The following ATG10 variants were observed in gnomAD, a reference collection of about 807,000 sequenced individuals.
ATG10 encodes the protein autophagy related 10.
ATG10 carries 30 observed loss-of-function variants against 32.1 expected under a neutral mutation model. That is an observed-to-expected ratio of 0.94 (90% CI 0.70 to 1.27). The LOEUF (loss-of-function observed/expected upper bound fraction) is 1.27. Ranked by LOEUF, ATG10 falls within the 50% of genes most tolerant of loss-of-function variation. The pLI is 0.00. For missense variants in ATG10, 233 were observed against 262.3 expected, an observed-to-expected ratio of 0.89 and a Z score of 0.77; for synonymous variants, 87 against 91.5, an observed-to-expected ratio of 0.95 and a Z score of 0.28.
chr5:82,172,916 A>G (rs1271647072), intron 4 of ATG10, among the ~76,000 whole-genome samples: 1 of 152,212 alleles, frequency 6.6e-6, no homozygotes, highest in Non-Finnish European at 1.5e-5. Context: ...ATCACAATAT[A>G]ATTTTCTCAC....
At chr5:82,014,112 G>A (rs1762208618) in intron 2 of ATG10, among the ~76,000 whole-genome samples, 1 of 152,176 alleles carries the variant, frequency 6.6e-6, no homozygotes, top group Non-Finnish European at 1.5e-5. Context: ...GGAGCAGGTT[G>A]TTCAGTTTCC....
chr5:82,139,392 G>A (rs1766939392), intron 3 of ATG10, among the ~76,000 whole-genome samples: 4 of 149,192 alleles, frequency 2.7e-5, no homozygotes, highest in Admixed American at 1.3e-4. Context: ...CATCTAGGAA[G>A]TGAGGAGCGC....
At chr5:82,137,735 C>T (rs924912118) in intron 3 of ATG10, among the ~76,000 whole-genome samples, 3 of 152,202 alleles carry the variant, frequency 2.0e-5, no homozygotes, top group Non-Finnish European at 4.4e-5. Flanking sequence ...TAGCAGAGCT[C>T]GAGTGCTGTG....
chr5:82,226,702 T>G (rs962941542), intron 5 of ATG10, among the ~76,000 whole-genome samples: 2 of 152,210 alleles, frequency 1.3e-5, no homozygotes, highest in Non-Finnish European at 2.9e-5. Flanking sequence ...GCAACTTCAT[T>G]ATTAGGAAAT....
chr5:81,987,473 GT>G (rs975231836), intron 1 of ATG10, 85 bp from the exon 2 acceptor site: 4 of 1,044,798 alleles, frequency 3.8e-6, no homozygotes, highest in Admixed American at 5.0e-5. Flanking sequence ...CCAAATTTTG[GT>G]TTATTGACAG....
At chr5:82,135,339 C>A (rs1766684044) in intron 3 of ATG10, among the ~76,000 whole-genome samples, 1 of 152,126 alleles carries the variant, frequency 6.6e-6, no homozygotes, top group South Asian at 2.1e-4. Flanking sequence ...TTAGATCTTT[C>A]CTGCTTTCTT....
In ATG10 at chr5:82,056,684, A is replaced by G. The variant is rs143677060; in HGVS notation, c.109-1811A>G. 4.3e-3 allele frequency among the ~76,000 whole-genome samples: 654 copies of G among 152,234 alleles called. 5 individuals are homozygous for G. Among genetic ancestry groups the G allele is most frequent in the African/African-American group, 0.015 (613 of 41,530 alleles). On this transcript the variant is annotated intron_variant, in intron 2 of 7. Coordinates refer to ENST00000282185, the MANE Select transcript of ATG10 (RefSeq NM_031482.5). Reference sequence around the variant, plus strand: ...GCAGTACTGATGGGCAGGATCAGAGATCTGTGTCTATCCCTGGAGCTGTAA... The same window carrying G: ...GCAGTACTGATGGGCAGGATCAGAGGTCTGTGTCTATCCCTGGAGCTGTAA...
chr5:82,039,543 A>G (rs1218327259), intron 2 of ATG10, among the ~76,000 whole-genome samples: 1 of 152,232 alleles, frequency 6.6e-6, no homozygotes, highest in Non-Finnish European at 1.5e-5. Context: ...AAAATGTAGC[A>G]TACAATTACG....
At chr5:81,999,994 AG>A (rs1048577693) in intron 2 of ATG10, among the ~76,000 whole-genome samples, 12 of 152,120 alleles carry the variant, frequency 7.9e-5, no homozygotes, top group African/African-American at 2.6e-4. Flanking sequence ...CAAAAACTTG[AG>A]GAGAAGAGAA....
intron 5 of ATG10, among the ~76,000 whole-genome samples, chr5:82,222,114 C>A (rs1299123227): frequency 1.3e-5 from 2 of 152,294 alleles, no homozygotes; most frequent in African/African-American, 4.8e-5. Context: ...AGAGCAGCAG[C>A]CTTCTTGATT....
chr5:82,041,582 A>G (rs543758425), intron 2 of ATG10, among the ~76,000 whole-genome samples: 3 of 152,350 alleles, frequency 2.0e-5, no homozygotes, highest in South Asian at 4.1e-4. Context: ...AAAAAGATAC[A>G]GAAATAGATC....
intron 3 of ATG10, among the ~76,000 whole-genome samples, chr5:82,114,832 T>C (rs955750653): frequency 2.0e-5 from 3 of 152,194 alleles, no homozygotes; most frequent in South Asian, 4.1e-4. Flanking sequence ...GCCAATAGAA[T>C]TTCCTGCAGT....
chr5:82,146,245 A>G (rs1402359815), intron 3 of ATG10, among the ~76,000 whole-genome samples: 3 of 152,122 alleles, frequency 2.0e-5, no homozygotes, highest in South Asian at 2.1e-4. Context: ...ATATTTTTCT[A>G]TGGCTTTTTG....
At chr5:82,124,968 T>G (rs906233503) in intron 3 of ATG10, among the ~76,000 whole-genome samples, 3 of 152,234 alleles carry the variant, frequency 2.0e-5, no homozygotes, top group African/African-American at 2.4e-5. Flanking sequence ...CCTGACTTTT[T>G]AATGAACACC....
intron 3 of ATG10, among the ~76,000 whole-genome samples, chr5:82,096,172 AGTCT>A (rs1247583076): frequency 1.3e-5 from 2 of 152,344 alleles, no homozygotes; most frequent in East Asian, 3.9e-4. Flanking sequence ...TCAGTGCTAC[AGTCT>A]GTCTGGGTTT....
chr5:82,194,519 A>T (rs1022714501), intron 5 of ATG10, among the ~76,000 whole-genome samples: 1 of 152,182 alleles, frequency 6.6e-6, no homozygotes, highest in Non-Finnish European at 1.5e-5. Flanking sequence ...TATCGGGAAT[A>T]TGTAAGTCCA....
intron 3 of ATG10, among the ~76,000 whole-genome samples, chr5:82,079,784 G>C (rs962607494): frequency 2.0e-5 from 3 of 152,158 alleles, no homozygotes; most frequent in African/African-American, 7.2e-5. Context: ...ATTTGGGTTG[G>C]TTCCAAGTCT....
intron 5 of ATG10, among the ~76,000 whole-genome samples, chr5:82,217,345 A>G (rs969748133): frequency 6.6e-6 from 1 of 152,148 alleles, no homozygotes; most frequent in African/African-American, 2.4e-5. Flanking sequence ...ATTGTTAAGC[A>G]TTTGTTATTT....
At chr5:82,076,843 G>T (rs1764289644) in intron 3 of ATG10, among the ~76,000 whole-genome samples, 1 of 152,246 alleles carries the variant, frequency 6.6e-6, no homozygotes, top group South Asian at 2.1e-4. Flanking sequence ...TAAATATTGA[G>T]ATACAGGTAC....
Sources: allele counts gnomAD v4.1 joint callset (sites outside exome capture counted in the v4.1 genomes callset), GRCh38; gene constraint gnomAD v4.1.1; transcripts MANE v1.5; gene names NCBI Gene and HGNC (gene_info 2026-07-23, HGNC 2026-07-21).